Variants in RSRC1 observed in about 807,000 individuals in gnomAD.
RSRC1 encodes serine/Arginine-related protein 53.
In RSRC1, 39 loss-of-function variants were observed where a neutral mutation model predicts 49.1. The observed-to-expected ratio is 0.79, with a 90% CI of 0.61 to 1.04. RSRC1 has a LOEUF of 1.04. Among genes scored for constraint, RSRC1 ranks in the 50% least tolerant of loss-of-function variants. The pLI is 0.00. For synonymous variants in RSRC1, 143 were observed against 130.8 expected (o/e 1.09, Z -0.63); for missense variants, 388 against 402.4 (o/e 0.96, Z 0.31).
At chr3:158,306,863 TTTA>T (rs1442274132) in intron 5 of RSRC1, among the ~76,000 whole-genome samples, 1 of 152,004 alleles carries the variant, frequency 6.6e-6, no homozygotes, top group East Asian at 1.9e-4. Context: ...TATTCAGCTT[TTTA>T]TTTATTTTTT....
chr3:158,357,713 C>G (rs144556415), intron 6 of RSRC1, among the ~76,000 whole-genome samples: 7 of 152,242 alleles, frequency 4.6e-5, no homozygotes, highest in African/African-American at 1.4e-4. Flanking sequence ...AGCCTAGTCT[C>G]AAGGTTGAGA....
At chr3:158,253,896 C>T (rs1183224714) in intron 4 of RSRC1, among the ~76,000 whole-genome samples, 1 of 152,068 alleles carries the variant, frequency 6.6e-6, no homozygotes, top group Non-Finnish European at 1.5e-5. Flanking sequence ...GGTATTTCTC[C>T]TAATGCTATC....
chr3:158,299,360 G>A (rs1177587808), intron 5 of RSRC1, among the ~76,000 whole-genome samples: 1 of 151,582 alleles, frequency 6.6e-6, no homozygotes, highest in Non-Finnish European at 1.5e-5. Flanking sequence ...TTGAGATGGA[G>A]CCTCGCTCTT....
chr3:158,116,605 CTTGAT>C (rs890636277), intron 1 of RSRC1, among the ~76,000 whole-genome samples: 2 of 151,960 alleles, frequency 1.3e-5, no homozygotes, highest in African/African-American at 4.8e-5. Flanking sequence ...GTGCCTCTGC[CTTGAT>C]TTGTGCTAAG....
At chr3:158,221,493 T>G (rs1023113588) in intron 4 of RSRC1, among the ~76,000 whole-genome samples, 1 of 151,540 alleles carries the variant, frequency 6.6e-6, no homozygotes, top group Non-Finnish European at 1.5e-5. Flanking sequence ...GATAATATTC[T>G]AGTGAAGTTT....
Position 158,132,136 on chromosome 3 carries a change from G to A in RSRC1, c.320+8145G>A, listed in dbSNP as rs147200694. 5 of 450,018 alleles carry A rather than the reference G, an allele frequency of 1.1e-5. 1 individual carries two copies. Among genetic ancestry groups the A allele is most frequent in the African/African-American group, 8.0e-5 (4 of 49,868 alleles). The allele number at this position is 450,018 out of a possible 1,614,324, so 27.9% of individuals were successfully genotyped here. A position where few individuals can be genotyped will look rare whatever the true frequency, so the allele number is the denominator to read the frequency against. On this transcript the variant is annotated intron_variant, in intron 3 of 9. Coordinates refer to ENST00000611884, the MANE Select transcript of RSRC1 (RefSeq NM_001271838.2). ...GTAGCTGGGACTACAGGTACACACC[G>A]CCACACCCAACTATGATTTTTGTAT...
At chr3:158,533,261 C>T (rs529799680) in intron 7 of RSRC1, among the ~76,000 whole-genome samples, 5 of 151,700 alleles carry the variant, frequency 3.3e-5, no homozygotes, top group African/African-American at 1.2e-4. Flanking sequence ...TAAAATGATT[C>T]CCACATTGAA....
At chr3:158,169,915 A>C (rs763723267) in intron 3 of RSRC1, among the ~76,000 whole-genome samples, 5 of 152,166 alleles carry the variant, frequency 3.3e-5, no homozygotes, top group Non-Finnish European at 7.4e-5. Context: ...GCCAAGAAGA[A>C]TATTTATGCT....
chr3:158,305,551 GTACCTAGCAGTTA>G (rs1216407457), intron 5 of RSRC1, among the ~76,000 whole-genome samples: 1 of 151,934 alleles, frequency 6.6e-6, no homozygotes. Context: ...ATCCCATGTG[GTACCTAGCAGTTA>G]TTTCAGGGGC....
intron 9 of RSRC1, 73 bp from the exon 10 acceptor site, chr3:158,544,110 G>A: frequency 1.0e-6 from 1 of 999,326 alleles, no homozygotes; most frequent in Admixed American, 1.7e-5. Context: ...ACAAAGGTGA[G>A]TTCTGTCATT....
At chr3:158,450,373 G>A (rs1178967147) in intron 6 of RSRC1, among the ~76,000 whole-genome samples, 1 of 145,280 alleles carries the variant, frequency 6.9e-6, no homozygotes, top group Non-Finnish European at 1.5e-5. Context: ...TCTTTGCACT[G>A]GCTGTGTAAT....
At chr3:158,327,169 C>T (rs1023347474) in intron 5 of RSRC1, among the ~76,000 whole-genome samples, 1 of 152,032 alleles carries the variant, frequency 6.6e-6, no homozygotes, top group African/African-American at 2.4e-5. Context: ...TTTTGTTGAT[C>T]GTTTCAAAAA....
chr3:158,470,937 A>G (rs895691190), intron 7 of RSRC1, among the ~76,000 whole-genome samples: 1 of 152,246 alleles, frequency 6.6e-6, no homozygotes, highest in African/African-American at 2.4e-5. Flanking sequence ...GAAGAGATCC[A>G]AAGTTCAAGA....
intron 4 of RSRC1, among the ~76,000 whole-genome samples, chr3:158,258,517 T>G (rs963593048): frequency 6.6e-6 from 1 of 152,064 alleles, no homozygotes; most frequent in Non-Finnish European, 1.5e-5. Flanking sequence ...TTAAATGTCT[T>G]GAGGTAGTCT....
At chr3:158,308,152 G>A (rs1727940590) in intron 5 of RSRC1, among the ~76,000 whole-genome samples, 1 of 151,942 alleles carries the variant, frequency 6.6e-6, no homozygotes, top group Non-Finnish European at 1.5e-5. Context: ...ATGATCAGAT[G>A]CCGAACAGTA....
chr3:158,468,989 T>A (rs1365455444), intron 7 of RSRC1, among the ~76,000 whole-genome samples: 2 of 152,160 alleles, frequency 1.3e-5, no homozygotes, highest in Non-Finnish European at 2.9e-5. Context: ...ATTACAACTT[T>A]CTTTTTTATT....
intron 6 of RSRC1, among the ~76,000 whole-genome samples, chr3:158,424,002 A>G (rs1271538862): frequency 6.6e-6 from 1 of 150,916 alleles, no homozygotes; most frequent in Non-Finnish European, 1.5e-5. Flanking sequence ...TAGATATACA[A>G]TCATGTCGTC....
At chr3:158,114,012 T>G (rs1714614674) in intron 1 of RSRC1, among the ~76,000 whole-genome samples, 1 of 152,136 alleles carries the variant, frequency 6.6e-6, no homozygotes, top group African/African-American at 2.4e-5. Context: ...TAGATCCCAT[T>G]TGTAATTTTT....
chr3:158,304,450 A>G (rs1727732815), intron 5 of RSRC1, among the ~76,000 whole-genome samples: 1 of 152,174 alleles, frequency 6.6e-6, no homozygotes, highest in African/African-American at 2.4e-5. Flanking sequence ...GAGCTAGAAA[A>G]TGCAAAAATA....
Sources: allele counts gnomAD v4.1 joint callset (sites outside exome capture counted in the v4.1 genomes callset), GRCh38; gene constraint gnomAD v4.1.1; transcripts MANE v1.5; gene names NCBI Gene and HGNC (gene_info 2026-07-23, HGNC 2026-07-21).